Variants in PEX14 observed in about 807,000 individuals in gnomAD.
The protein encoded by PEX14 is peroxisomal biogenesis factor 14, also known as peroxisomal membrane protein PEX14.
A neutral mutation model predicts 49.5 loss-of-function variants in PEX14; 15 were observed. That is an observed-to-expected ratio of 0.30 (90% CI 0.20 to 0.47). PEX14 has a LOEUF of 0.47. PEX14 is among the 20% of genes least tolerant of loss of function. The pLI, the probability that PEX14 is intolerant of heterozygous loss-of-function variation, is 1.00. For synonymous variants in PEX14, 210 were observed against 212.7 expected, an observed-to-expected ratio of 0.99 and a Z score of 0.11; for missense variants, 398 against 494.8, an observed-to-expected ratio of 0.80 and a Z score of 1.86.
In PEX14 at chr1:10,597,624, AT is replaced by A. The variant is rs1205091632; in HGVS notation, c.170-1610del. ...GTGATGCGCTGTGAACCCTGGAAGC[AT>A]TTTCATCCAGCCCACCAATCTGTTG... On this transcript the variant is annotated intron_variant, in intron 3 of 8. Coordinates refer to ENST00000356607, the MANE Select transcript of PEX14 (RefSeq NM_004565.3). This position sits in a 1 kb window ranked among gnomAD's most constrained non-coding sequence, Gnocchi z 5.7. Among the ~76,000 whole-genome samples the A allele has an allele frequency of 6.6e-6, 1 of 152,112 alleles. No homozygotes were observed. Among genetic ancestry groups the A allele is most frequent in the African/African-American group, 2.4e-5 (1 of 41,408 alleles).
intron 1 of PEX14, among the ~76,000 whole-genome samples, chr1:10,488,004 C>G (rs1450209685): frequency 6.6e-6 from 1 of 151,808 alleles, no homozygotes; most frequent in East Asian, 1.9e-4. Context: ...TTGTCTCGAA[C>G]TCCTGACCTC....
chr1:10,525,218 C>T (rs1386335639), intron 2 of PEX14, among the ~76,000 whole-genome samples: 3 of 152,054 alleles, frequency 2.0e-5, no homozygotes, highest in Non-Finnish European at 4.4e-5. Context: ...GTTTCTCTTC[C>T]AAACTTGTAC....
chr1:10,586,138 C>T (rs1410118875), intron 3 of PEX14, among the ~76,000 whole-genome samples: 1 of 152,188 alleles, frequency 6.6e-6, no homozygotes, highest in Non-Finnish European at 1.5e-5. Context: ...CAAAGCAATC[C>T]AGATTCTAAC....
intron 3 of PEX14, among the ~76,000 whole-genome samples, chr1:10,553,605 G>A (rs1263525317): frequency 6.6e-6 from 1 of 150,988 alleles, no homozygotes; most frequent in Non-Finnish European, 1.5e-5. Context: ...TGATTTCTCA[G>A]GGGTAAGCCT....
chr1:10,615,220 G>A (rs769060382), intron 4 of PEX14, among the ~76,000 whole-genome samples: 17 of 152,136 alleles, frequency 1.1e-4, no homozygotes, highest in South Asian at 4.1e-4. Context: ...CTCTGCATGC[G>A]ACAAAACACC....
chr1:10,523,214 T>C (rs886955383), intron 2 of PEX14, among the ~76,000 whole-genome samples: 3 of 152,226 alleles, frequency 2.0e-5, no homozygotes, highest in Admixed American at 6.5e-5. Context: ...TTTTATCTTC[T>C]ATGATTTGGA....
intron 3 of PEX14, among the ~76,000 whole-genome samples, chr1:10,556,352 C>T (rs1188333513): frequency 1.3e-5 from 2 of 152,210 alleles, no homozygotes; most frequent in Admixed American, 6.5e-5. Flanking sequence ...AGGATCCATG[C>T]ACATCCGTCC....
At chr1:10,549,262 A>C (rs1489953248) in intron 3 of PEX14, among the ~76,000 whole-genome samples, 2 of 152,202 alleles carry the variant, frequency 1.3e-5, no homozygotes, top group African/African-American at 4.8e-5. Context: ...TGTAAGAAAA[A>C]TATTTTAACA....
At chr1:10,526,370 C>G (rs1455562128) in intron 2 of PEX14, among the ~76,000 whole-genome samples, 1 of 152,002 alleles carries the variant, frequency 6.6e-6, no homozygotes, top group Non-Finnish European at 1.5e-5. Flanking sequence ...AAGTGTGAAC[C>G]ACCACACCCA....
At chr1:10,594,102 C>A (rs909377787) in intron 3 of PEX14, among the ~76,000 whole-genome samples, 1 of 152,152 alleles carries the variant, frequency 6.6e-6, no homozygotes, top group African/African-American at 2.4e-5. Context: ...ATAGGGGTCT[C>A]CAGGTCATCC....
At chr1:10,501,234 G>A (rs573767561) in intron 2 of PEX14, among the ~76,000 whole-genome samples, 166 of 152,302 alleles carry the variant, frequency 1.1e-3, no homozygotes, top group African/African-American at 3.7e-3. Context: ...AATGTCTGTC[G>A]GGATGCAAGT....
At chr1:10,560,095 T>C (rs1246038275) in intron 3 of PEX14, among the ~76,000 whole-genome samples, 1 of 152,122 alleles carries the variant, frequency 6.6e-6, no homozygotes, top group Admixed American at 6.5e-5. Flanking sequence ...TTCACTTTTG[T>C]TGCTCAGGCT....
chr1:10,541,194 G>C (rs978773606), intron 3 of PEX14, among the ~76,000 whole-genome samples: 2 of 152,174 alleles, frequency 1.3e-5, no homozygotes, highest in Non-Finnish European at 2.9e-5. Context: ...GACAACCAAG[G>C]GTTCTGGTTT....
chr1:10,486,115 C>T (rs914643659), intron 1 of PEX14, among the ~76,000 whole-genome samples: 4 of 152,052 alleles, frequency 2.6e-5, no homozygotes, highest in Admixed American at 1.3e-4. Flanking sequence ...GTATCATCTG[C>T]AAATAAAGAC....
chr1:10,552,583 A>G (rs574129961), intron 3 of PEX14, among the ~76,000 whole-genome samples: 1 of 152,350 alleles, frequency 6.6e-6, no homozygotes, highest in African/African-American at 2.4e-5. Context: ...AAAATCATCT[A>G]TCCATTTACT....
At chr1:10,481,247 C>T (rs1641279313) in intron 1 of PEX14, among the ~76,000 whole-genome samples, 1 of 151,310 alleles carries the variant, frequency 6.6e-6, no homozygotes, top group South Asian at 2.1e-4. Flanking sequence ...AAGCAATTCT[C>T]CTGTCTCAGC....
rs538116518 is a variant in PEX14, at chr1:10,628,631, T to C, written c.678-900T>C. On this transcript the variant is annotated intron_variant, in intron 8 of 8. Coordinates refer to ENST00000356607, the MANE Select transcript of PEX14 (RefSeq NM_004565.3). This position sits in a 1 kb window ranked among gnomAD's most constrained non-coding sequence, Gnocchi z 4.5. ...GAGGCTGGGGATGGAGGCCAGGCCA[T>C]CGGGTGACCGTGGGGGCCAAGAAAA... Among the ~76,000 whole-genome samples the C allele has an allele frequency of 6.6e-6, 1 of 152,348 alleles. No homozygotes were observed. The highest frequency in any genetic ancestry group is 2.1e-4 in the South Asian group (1 of 4,826).
intron 2 of PEX14, among the ~76,000 whole-genome samples, chr1:10,525,197 C>A (rs967871954): frequency 6.6e-6 from 1 of 152,086 alleles, no homozygotes; most frequent in Non-Finnish European, 1.5e-5. Context: ...GGACTGATGT[C>A]TCTTGATTCA....
At position 10,630,245 on chromosome 1, in the gene PEX14, G is replaced by A. The variant is rs1251854942; in HGVS notation, c.*258G>A. 3 of 596,342 alleles carry A rather than the reference G, an allele frequency of 5.0e-6. No individual in the cohort carries two copies. In the African/African-American group the frequency reaches 5.6e-5, roughly 11 times the overall value. 36.9% of individuals were successfully genotyped at this position (596,342 alleles called of 1,614,324 possible). The stretch of plus-strand genomic sequence containing the variant: ...GCCTTTGGCTTTGATCTCAAGTCAG[G>A]CTGAAGGCAGCGAAGCCTCGGGGCC... On this transcript the variant is annotated 3_prime_UTR_variant, in exon 9 of 9. Transcript: ENST00000356607. The surrounding 1 kb of genome is among the most constrained non-coding windows in gnomAD (Gnocchi z 4.1).
Sources: allele counts gnomAD v4.1 joint callset (sites outside exome capture counted in the v4.1 genomes callset), GRCh38; gene constraint gnomAD v4.1.1; non-coding constraint Gnocchi (gnomAD v3.1); transcripts MANE v1.5; gene names NCBI Gene and HGNC (gene_info 2026-07-23, HGNC 2026-07-21).